Variants in LARGE1 observed in about 807,000 individuals in gnomAD.
LARGE1 encodes LARGE xylosyl- and glucuronyltransferase 1.
Under a neutral mutation model 87.6 loss-of-function variants are expected in LARGE1, and 43 were observed. The observed-to-expected ratio is 0.49, with a 90% CI of 0.38 to 0.63. LARGE1 has a LOEUF of 0.63. Among genes scored for constraint, LARGE1 ranks in the 30% least tolerant of loss-of-function variants. The pLI, the probability that LARGE1 is intolerant of heterozygous loss-of-function variation, is 0.00. For synonymous variants in LARGE1, 434 were observed against 394.6 expected (o/e 1.10, Z -1.18); for missense variants, 802 against 1,000.2 (o/e 0.80, Z 2.67).
chr22:33,312,510 A>C (rs1236842846), intron 11 of LARGE1, among the ~76,000 whole-genome samples: 2 of 152,000 alleles, frequency 1.3e-5, no homozygotes, highest in African/African-American at 4.8e-5. Context: ...AAGAACCCAC[A>C]GTGCCTGACT....
intron 5 of LARGE1, among the ~76,000 whole-genome samples, chr22:33,573,982 G>A (rs916427368): frequency 1.3e-5 from 2 of 152,236 alleles, no homozygotes; most frequent in Admixed American, 6.5e-5. Flanking sequence ...GTGGAGGCAA[G>A]GTTATCTTGA....
At chr22:33,921,020 G>C (rs2065932955), upstream of LARGE1, among the ~76,000 whole-genome samples, 2 of 150,202 alleles carry the variant, frequency 1.3e-5, no homozygotes, top group African/African-American at 4.8e-5. The surrounding 1 kb of genome is among the most constrained non-coding windows in gnomAD (Gnocchi z 4.1). Context: ...GTGTGTCTGT[G>C]TCATGTCTGT....
intron 2 of LARGE1, chr22:33,744,315 C>A (rs201470916): frequency 6.6e-6 from 1 of 152,168 alleles, no homozygotes; most frequent in East Asian, 1.9e-4. Context: ...GACAAGCCCA[C>A]GGTCACCCAG....
intron 1 of LARGE1, among the ~76,000 whole-genome samples, chr22:33,904,606 C>T (rs1360436851): frequency 2.0e-5 from 3 of 152,140 alleles, no homozygotes; most frequent in Non-Finnish European, 1.5e-5. Flanking sequence ...CAGAGCCAGG[C>T]GTGGGGCAGT....
chr22:33,695,760 T>C (rs1036612270), intron 2 of LARGE1, among the ~76,000 whole-genome samples: 4 of 152,302 alleles, frequency 2.6e-5, no homozygotes, highest in East Asian at 1.9e-4. Context: ...AAGTTACATA[T>C]AATGAAATGC....
chr22:33,452,132 C>A (rs542058488), intron 6 of LARGE1, among the ~76,000 whole-genome samples: 1 of 152,170 alleles, frequency 6.6e-6, no homozygotes, highest in East Asian at 1.9e-4. Context: ...ATTCTGGACT[C>A]TTGAGTGTTT....
intron 6 of LARGE1, among the ~76,000 whole-genome samples, chr22:33,462,706 A>G (rs1301614167): frequency 6.6e-6 from 1 of 152,192 alleles, no homozygotes; most frequent in African/African-American, 2.4e-5. Flanking sequence ...GCTTGAGCCC[A>G]GGAGGCAGAG....
At chr22:33,116,873 G>T in the LARGE1 span, among the ~76,000 whole-genome samples, 1 of 152,308 alleles carries the variant, frequency 6.6e-6, no homozygotes, top group Non-Finnish European at 1.5e-5. Flanking sequence ...AGTAGCACGG[G>T]ATTTAAAACA....
At chr22:33,526,655 C>T (rs2071910679) in intron 6 of LARGE1, among the ~76,000 whole-genome samples, 1 of 152,236 alleles carries the variant, frequency 6.6e-6, no homozygotes, top group Admixed American at 6.5e-5. Context: ...AGAGAGAACA[C>T]AGAACACAAG....
chr22:33,234,156 G>A (rs979266845), intron 11 of LARGE1, among the ~76,000 whole-genome samples: 6 of 152,202 alleles, frequency 3.9e-5, no homozygotes, highest in Non-Finnish European at 5.9e-5. Flanking sequence ...TATCACTCAG[G>A]GTCCTAGCAA....
intron 7 of LARGE1, among the ~76,000 whole-genome samples, chr22:33,387,288 G>A (rs2065358621): frequency 1.6e-5 from 2 of 124,834 alleles, no homozygotes; most frequent in Admixed American, 7.5e-5. Context: ...CTAGCCGGGT[G>A]TGGTGGTGCA....
the LARGE1 span, among the ~76,000 whole-genome samples, chr22:33,106,533 T>C: frequency 2.6e-5 from 4 of 152,090 alleles, no homozygotes; most frequent in Non-Finnish European, 5.9e-5. Flanking sequence ...TCTTGCTCTG[T>C]CGCCCAGGCT....
chr22:33,838,960 G>C (rs887884790), intron 1 of LARGE1, among the ~76,000 whole-genome samples: 1 of 152,170 alleles, frequency 6.6e-6, no homozygotes, highest in Non-Finnish European at 1.5e-5. Flanking sequence ...TAGAATTTCT[G>C]ATAGAAACCA....
downstream of LARGE1, among the ~76,000 whole-genome samples, chr22:33,158,333 T>G (rs1346451963): frequency 2.6e-5 from 4 of 152,160 alleles, no homozygotes; most frequent in Admixed American, 6.5e-5. Context: ...GCTCAATTAT[T>G]GCAAAAGAAG....
At chr22:33,265,672 T>C (rs1187954494) in intron 11 of LARGE1, among the ~76,000 whole-genome samples, 3 of 152,150 alleles carry the variant, frequency 2.0e-5, no homozygotes, top group Non-Finnish European at 2.9e-5. Flanking sequence ...TTTGAATAAT[T>C]ATCAGCTGGC....
chr22:33,730,480 A>C (rs1457578368), intron 2 of LARGE1, among the ~76,000 whole-genome samples: 1 of 152,178 alleles, frequency 6.6e-6, no homozygotes, highest in Non-Finnish European at 1.5e-5. Flanking sequence ...CTATACACCT[A>C]CTATGTATCC....
intron 12 of LARGE1, among the ~76,000 whole-genome samples, chr22:33,296,481 C>T (rs74925799): frequency 0.038 from 5,721 of 152,074 alleles, 340 homozygotes; most frequent in African/African-American, 0.13. Context: ...ATGGGCCTAT[C>T]GGGCAACTGG....
chr22:33,180,981 A>G (rs1432616048), intron 11 of LARGE1, among the ~76,000 whole-genome samples: 1 of 152,204 alleles, frequency 6.6e-6, no homozygotes, highest in Middle Eastern at 3.2e-3. Flanking sequence ...TGTGGTTCTA[A>G]AATTAGACTG....
At chr22:33,156,338 A>T in the LARGE1 span, among the ~76,000 whole-genome samples, 8 of 152,134 alleles carry the variant, frequency 5.3e-5, no homozygotes, top group Non-Finnish European at 1.2e-4. Flanking sequence ...GAATGGGGAA[A>T]GGGGGCTATA....
Sources: allele counts gnomAD v4.1 joint callset (sites outside exome capture counted in the v4.1 genomes callset), GRCh38; gene constraint gnomAD v4.1.1; non-coding constraint Gnocchi (gnomAD v3.1); transcripts MANE v1.5; gene names NCBI Gene and HGNC (gene_info 2026-07-23, HGNC 2026-07-21).